The following CENPI variants were observed in gnomAD, a reference collection of about 807,000 sequenced individuals.
The protein encoded by CENPI is FSH primary response 1.
Under a neutral mutation model 60.4 loss-of-function variants are expected in CENPI, and 4 were observed. The ratio of observed to expected loss-of-function variants is 0.07; its 90% CI spans 0.03 to 0.15. CENPI has a LOEUF of 0.15. CENPI is among the 10% of genes least tolerant of loss of function. The pLI, the probability that CENPI is intolerant of heterozygous loss-of-function variation, is 1.00. For missense variants in CENPI, 444 were observed against 534.5 expected (o/e 0.83, Z 1.67); for synonymous variants, 157 against 189.4 (o/e 0.83, Z 1.40).
In CENPI at chrX:101,120,853, T is replaced by C. The variant is rs2089670034; in HGVS notation, c.687+69T>C. The C allele has an allele frequency of 3.6e-6, 3 of 830,892 alleles. No homozygotes were observed. In the Admixed American group the frequency reaches 8.0e-5, roughly 22 times the overall value. The allele number at this position is 830,892 out of a possible 1,213,427, so 68.5% of individuals were successfully genotyped here. A position where few individuals can be genotyped will look rare whatever the true frequency, so the allele number is the denominator to read the frequency against. ...CAGGTACTGAGCCAGGCATTGGGAA[T>C]ACAAAATCAAATAACTCTTGATCTT... On this transcript the variant is annotated intron_variant, in intron 8 of 21. Coordinates refer to ENST00000682095, the MANE Select transcript of CENPI (RefSeq NM_001386188.2).
At chrX:101,142,580 G>A (rs1371815471) in intron 16 of CENPI, among the ~76,000 whole-genome samples, 1 of 110,903 alleles carries the variant, frequency 9.0e-6, no homozygotes, top group Non-Finnish European at 1.9e-5. Context: ...CAGCGACTGG[G>A]AAGAGGTTGC....
chrX:101,160,586 C>T (rs1275587292), intron 20 of CENPI, among the ~76,000 whole-genome samples: 1 of 108,402 alleles, frequency 9.2e-6, no homozygotes, highest in African/African-American at 3.4e-5. Flanking sequence ...GACGGGGCTT[C>T]ACCACATTGG....
chrX:101,153,317 C>T lies in CENPI; in HGVS notation c.2094+5156C>T, dbSNP rs1306597161. 7.9e-5 allele frequency among the ~76,000 whole-genome samples: 8 copies of T among 101,610 alleles called. No homozygotes were observed. In the South Asian group the frequency reaches 2.6e-3, roughly 33 times the overall value. The allele number at this position is 101,610 out of a possible 115,157, so 88.2% of individuals were successfully genotyped here. On this transcript the variant is annotated intron_variant, in intron 20 of 21. Transcript: ENST00000682095. ...TCTTGTTCTTTTTTTTTTTTTGAGA[C>T]GGTCGTTCTGTAGCTCAGGATGGAG...
At chrX:101,167,729 G>A (rs1215774973), downstream of CENPI, among the ~76,000 whole-genome samples, 2 of 112,093 alleles carry the variant, frequency 1.8e-5, no homozygotes, top group Non-Finnish European at 3.8e-5. Context: ...TCACAAAATT[G>A]AAACTCAATT....
At chrX:101,131,480 T>C (rs763156431) in intron 13 of CENPI, among the ~76,000 whole-genome samples, 3 of 111,692 alleles carry the variant, frequency 2.7e-5, no homozygotes, top group Non-Finnish European at 5.6e-5. Flanking sequence ...GATGTTTCAC[T>C]TAAGAGATGC....
chrX:101,162,476 AT>A (rs1395632115), intron 21 of CENPI, among the ~76,000 whole-genome samples: 102 of 79,595 alleles, frequency 1.3e-3, no homozygotes, highest in Non-Finnish European at 2.0e-3. Context: ...AAAAAAAAAT[AT>A]ATATATATAT....
chrX:101,146,217 A>T lies in CENPI; in HGVS notation c.1766A>T (p.Tyr589Phe). Reference sequence around the variant, plus strand: ...GTATTGTTTCCTCCTGGGATCTTCTATTCTGCACTCCTCAGCCTGGATACC... The same window carrying T: ...GTATTGTTTCCTCCTGGGATCTTCTTTTCTGCACTCCTCAGCCTGGATACC... Reference protein sequence around the residue: ...LVVLFPPGIFYSALLSLDTSI... With the variant: ...LVVLFPPGIFFSALLSLDTSI... Residue 589 changes from tyrosine (Y) to phenylalanine (F), a missense_variant, in exon 18 of 22, where the codon TAT (tyrosine) becomes TTT (phenylalanine). Coordinates refer to ENST00000682095, the MANE Select transcript of CENPI (RefSeq NM_001386188.2). 2.5e-6 allele frequency: 3 copies of T among 1,206,142 alleles called. No individual in the cohort carries two copies. Among genetic ancestry groups the T allele is most frequent in the Non-Finnish European group, 2.2e-6 (2 of 890,646 alleles).
At chrX:101,103,008 T>C (rs1408950332) in intron 4 of CENPI, among the ~76,000 whole-genome samples, 4 of 93,707 alleles carry the variant, frequency 4.3e-5, no homozygotes, top group Non-Finnish European at 8.4e-5. Context: ...TTTTTTTTCT[T>C]TTGGGAGACT....
chrX:101,107,134 G>T (rs1206916277), intron 4 of CENPI, among the ~76,000 whole-genome samples: 1 of 106,727 alleles, frequency 9.4e-6, no homozygotes, highest in Non-Finnish European at 1.9e-5. Context: ...TGAGTGGATG[G>T]TACAAATATA....
Position 101,163,529 on chromosome X carries a change from C to T in CENPI, c.*562C>T, listed in dbSNP as rs2090128623. ...GAGAGGATTTGTTGGGTAATCAAGA[C>T]ATTCCCGTATATGTCTGATTTCATG... is the stretch of plus-strand genomic sequence containing the variant. On this transcript the variant is annotated 3_prime_UTR_variant, in exon 22 of 22. Transcript: ENST00000682095. 2 of 117,253 alleles carry T rather than the reference C, an allele frequency of 1.7e-5. No homozygotes were observed. Among genetic ancestry groups the T allele is most frequent in the Admixed American group, 1.8e-4 (2 of 10,847 alleles). 9.7% of individuals were successfully genotyped at this position (117,253 alleles called of 1,213,427 possible). A position where few individuals can be genotyped will look rare whatever the true frequency, so the allele number is the denominator to read the frequency against.
At chrX:101,105,634 G>T (rs188152514) in intron 4 of CENPI, among the ~76,000 whole-genome samples, 4 of 111,699 alleles carry the variant, frequency 3.6e-5, no homozygotes, top group Non-Finnish European at 7.5e-5. Context: ...CAGTGCAGTG[G>T]TATGATCATG....
At chrX:101,123,317 A>C in intron 8 of CENPI, among the ~76,000 whole-genome samples, 1 of 111,960 alleles carries the variant, frequency 8.9e-6, no homozygotes, top group East Asian at 2.8e-4. Flanking sequence ...AGGAAACAAA[A>C]CCACAAAAAT....
chrX:101,111,176 G>C (rs1243039761), intron 6 of CENPI, among the ~76,000 whole-genome samples: 1 of 110,823 alleles, frequency 9.0e-6, no homozygotes, highest in African/African-American at 3.3e-5. Context: ...CAGCTTTGTA[G>C]GAAGCTATAT....
Position 101,120,431 on chromosome X carries a change from A to T in CENPI, c.621A>T (p.Leu207Phe). The change falls in exon 7 of 22, where the codon TTA becomes TTT. Residue 207 changes from leucine (L) to phenylalanine (F), a missense_variant. Physicochemically the swap from Leu to Phe is conservative, Grantham distance 22 (BLOSUM62 0). Coordinates refer to ENST00000682095, the MANE Select transcript of CENPI (RefSeq NM_001386188.2). ...LCPYVCHLLY[L>F]LTKKENVKPF... is the part of the protein sequence containing the mutation. ...CTTATGTTTGCCATTTGTTATATTT[A>T]CTTACCAAAAAAGAGAATGGTGAGT... 1 of 969,174 alleles carries T rather than the reference A, an allele frequency of 1.0e-6. No individual in the cohort carries two copies. The highest frequency in any genetic ancestry group is 1.5e-6 in the Non-Finnish European group (1 of 678,836). The allele number at this position is 969,174 out of a possible 1,213,427, so 79.9% of individuals were successfully genotyped here.
chrX:101,148,192 G>T, intron 20 of CENPI, 31 bp downstream of exon 20: 1 of 1,080,665 alleles, frequency 9.3e-7, no homozygotes, highest in Non-Finnish European at 1.3e-6. Flanking sequence ...TTTAGATTTT[G>T]TATCTTAATA....
In CENPI at chrX:101,148,052, A is replaced by G. The variant is rs779870073; in HGVS notation, c.1985A>G (p.Tyr662Cys). 29 of 1,180,511 alleles carry G rather than the reference A, an allele frequency of 2.5e-5. No homozygotes were observed. The highest frequency in any genetic ancestry group is 3.3e-5 in the Non-Finnish European group (29 of 883,057). ...TCCAAACCCTTTGGGAAAGGAATAT[A>G]TATTGACCCTGAAATCCTAGAAAAA... is the stretch of plus-strand genomic sequence containing the variant. The part of the protein sequence containing the change: ...WTSKPFGKGI[Y>C]IDPEILEKTG... Residue 662 changes from tyrosine to cysteine, a missense_variant, in exon 20 of 22, where the codon TAT (tyrosine) becomes TGT (cysteine). Coordinates refer to ENST00000682095, the MANE Select transcript of CENPI (RefSeq NM_001386188.2).
chrX:101,124,090 AGT>A (rs397842781), intron 8 of CENPI, among the ~76,000 whole-genome samples: 3,225 of 88,127 alleles, frequency 0.037, 56 homozygotes, highest in South Asian at 0.056. Context: ...TATAGAATCA[AGT>A]GTGTGTGTGT....
At chrX:101,151,533 A>G in intron 20 of CENPI, among the ~76,000 whole-genome samples, 1 of 111,997 alleles carries the variant, frequency 8.9e-6, no homozygotes, top group Admixed American at 9.6e-5. Context: ...TAACAAAGGT[A>G]GAATAGTATG....
chrX:101,147,954 G>A lies in CENPI; in HGVS notation c.1887G>A (p.Glu629=), dbSNP rs1450860680. ...KNELVQKTKS[E]FNFSSKTYQE... is the part of the protein sequence containing the mutation. ...TTCTTTCCCATTAGACAAAATCAGA[G>A]TTCAATTTCAGCAGCAAGACTTATC... Residue 629 remains glutamate, a synonymous_variant, in exon 20 of 22, where the codon GAG becomes GAA. Transcript: ENST00000682095. 1 of 1,205,164 alleles carries A rather than the reference G, an allele frequency of 8.3e-7. No homozygotes were observed. Among genetic ancestry groups the A allele is most frequent in the East Asian group, 3.0e-5 (1 of 33,716 alleles).
Sources: gnomAD v4.1 joint callset for allele counts (sites outside exome capture counted in the v4.1 genomes callset) on GRCh38, gnomAD v4.1.1 for gene constraint, MANE v1.5 for transcripts, NCBI Gene and HGNC (gene_info 2026-07-23, HGNC 2026-07-21) for gene names.